MBD5: variants seen among roughly 807,000 people sequenced by gnomAD.
MBD5 encodes methyl-CpG binding domain protein 5.
A neutral mutation model predicts 117.3 loss-of-function variants in MBD5; 13 were observed. The observed-to-expected ratio is 0.11, with a 90% confidence interval of 0.07 to 0.18. The LOEUF is 0.18. MBD5 is among the 10% of genes least tolerant of loss of function. The pLI is 1.00. For missense variants in MBD5, 1,879 were observed against 2,093.8 expected (o/e 0.90, Z 2.00); for synonymous variants, 727 against 766.4 (o/e 0.95, Z 0.85).
At chr2:148,368,839 C>T (rs1165229080) in intron 4 of MBD5, among the ~76,000 whole-genome samples, 1 of 151,926 alleles carries the variant, frequency 6.6e-6, no homozygotes, top group Admixed American at 6.6e-5. Context: ...TCTATTATCC[C>T]TTCTATTAGA....
intron 4 of MBD5, among the ~76,000 whole-genome samples, chr2:148,351,026 A>G (rs1326097048): frequency 1.3e-5 from 2 of 152,056 alleles, no homozygotes; most frequent in Admixed American, 1.3e-4. Flanking sequence ...AAACCTTAAC[A>G]GAAGACCTCA....
intron 3 of MBD5, among the ~76,000 whole-genome samples, chr2:148,336,230 A>G (rs889669302): frequency 6.6e-6 from 1 of 152,200 alleles, no homozygotes; most frequent in Non-Finnish European, 1.5e-5. Context: ...GCCTATATCA[A>G]AAAATTGATT....
intron 3 of MBD5, among the ~76,000 whole-genome samples, chr2:148,298,413 A>AGT (rs1183701093): frequency 6.6e-6 from 1 of 152,212 alleles, no homozygotes; most frequent in Non-Finnish European, 1.5e-5. Context: ...TGAGGAAGGC[A>AGT]GTGGGTTGTG....
intron 4 of MBD5, among the ~76,000 whole-genome samples, chr2:148,417,641 A>G (rs1705463724): frequency 6.6e-6 from 1 of 152,078 alleles, no homozygotes; most frequent in Admixed American, 6.6e-5. Context: ...ACTTTTTAAT[A>G]CTGGCCATTC....
intron 1 of MBD5, among the ~76,000 whole-genome samples, chr2:148,109,660 T>A (rs997813503): frequency 6.6e-6 from 1 of 152,190 alleles, no homozygotes; most frequent in Non-Finnish European, 1.5e-5. Context: ...ATTGTGTACA[T>A]TTAAAATATG....
chr2:148,223,869 C>G (rs776077371), intron 2 of MBD5, among the ~76,000 whole-genome samples: 5 of 151,944 alleles, frequency 3.3e-5, no homozygotes, highest in Admixed American at 6.6e-5. Context: ...TGGCCGTAAA[C>G]TTCCTTCTTA....
chr2:148,403,050 A>C (rs887180315), intron 4 of MBD5, among the ~76,000 whole-genome samples: 12 of 151,950 alleles, frequency 7.9e-5, no homozygotes, highest in African/African-American at 2.9e-4. Context: ...TATTAATCTC[A>C]TCTAGTGTAT....
intron 11 of MBD5, among the ~76,000 whole-genome samples, chr2:148,492,049 T>C (rs1681542581): frequency 6.6e-6 from 1 of 151,906 alleles, no homozygotes; most frequent in African/African-American, 2.4e-5. Context: ...TTTATGCCCT[T>C]AGGAGAATAA....
At chr2:148,300,140 C>T (rs917411774) in intron 3 of MBD5, among the ~76,000 whole-genome samples, 9 of 152,018 alleles carry the variant, frequency 5.9e-5, no homozygotes, top group African/African-American at 1.4e-4. Context: ...CTGTAACCTC[C>T]GCCTCCCAGG....
At chr2:148,475,041 T>C (rs1339049482) in intron 8 of MBD5, among the ~76,000 whole-genome samples, 2 of 152,114 alleles carry the variant, frequency 1.3e-5, no homozygotes, top group African/African-American at 2.4e-5. Context: ...TCTCAGGAGA[T>C]GAGAGATTTG....
chr2:148,147,931 A>G (rs1697510477), intron 1 of MBD5, among the ~76,000 whole-genome samples: 1 of 152,156 alleles, frequency 6.6e-6, no homozygotes, highest in African/African-American at 2.4e-5. Context: ...GTGATCATGC[A>G]CAAGTCACCA....
At chr2:148,504,164 A>G (rs1223949452) in intron 12 of MBD5, among the ~76,000 whole-genome samples, 1 of 152,220 alleles carries the variant, frequency 6.6e-6, no homozygotes, top group African/African-American at 2.4e-5. Flanking sequence ...TGTGAGAGCT[A>G]TCTAAAGGAA....
intron 4 of MBD5, among the ~76,000 whole-genome samples, chr2:148,376,971 A>C (rs1704010128): frequency 6.7e-6 from 1 of 148,324 alleles, no homozygotes; most frequent in Admixed American, 6.9e-5. Context: ...AGTGTAATGT[A>C]GAATTTAAAG....
At chr2:148,106,937 T>A (rs1696387851) in intron 1 of MBD5, among the ~76,000 whole-genome samples, 1 of 152,064 alleles carries the variant, frequency 6.6e-6, no homozygotes, top group African/African-American at 2.4e-5. Flanking sequence ...CACATATTTA[T>A]CATATTTTTT....
chr2:148,152,233 C>G (rs979623008), intron 1 of MBD5, among the ~76,000 whole-genome samples: 7 of 152,106 alleles, frequency 4.6e-5, no homozygotes, highest in African/African-American at 1.7e-4. Flanking sequence ...GTTCAGCTTC[C>G]ATGTAGTTGA....
chr2:148,481,384 T>G (rs1485135742), intron 8 of MBD5, among the ~76,000 whole-genome samples: 1 of 152,210 alleles, frequency 6.6e-6, no homozygotes, highest in Non-Finnish European at 1.5e-5. Context: ...GAAACATTTC[T>G]GTGTATTTGG....
chr2:148,091,462 G>A (rs114448147), intron 1 of MBD5, among the ~76,000 whole-genome samples: 1,871 of 152,062 alleles, frequency 0.012, 45 homozygotes, highest in African/African-American at 0.043. Context: ...AAATAGGCAC[G>A]TAGACCAATA....
At chr2:148,266,454 C>G (rs553194744) in intron 3 of MBD5, among the ~76,000 whole-genome samples, 1 of 151,908 alleles carries the variant, frequency 6.6e-6, no homozygotes, top group South Asian at 2.1e-4. Flanking sequence ...GCAAGCATGC[C>G]ACTTTAAAGT....
In MBD5 at chr2:148,112,450, C is replaced by T. The variant is rs570421199; in HGVS notation, c.-924-66250C>T. ...GAAATGTTTTCCTAAAATGGCCTAA[C>T]AAACCTTTGTACCAAATACTTTATA... On this transcript the variant is annotated intron_variant, in intron 1 of 13. Coordinates refer to ENST00000642680, the MANE Select transcript of MBD5 (RefSeq NM_001378120.1). Among the ~76,000 whole-genome samples, 9 of 152,240 alleles carry T rather than the reference C, an allele frequency of 5.9e-5. No individual in the cohort carries two copies. The South Asian group carries it at 8.3e-4, about 14-fold the overall frequency.
Sources: gnomAD v4.1 joint callset for allele counts (sites outside exome capture counted in the v4.1 genomes callset) on GRCh38, gnomAD v4.1.1 for gene constraint, MANE v1.5 for transcripts, NCBI Gene and HGNC (gene_info 2026-07-23, HGNC 2026-07-21) for gene names.